Variants in FCHSD2 observed in about 807,000 individuals in gnomAD.
FCHSD2 encodes F-BAR and double SH3 domains protein 2.
A neutral mutation model predicts 108.1 loss-of-function variants in FCHSD2; 38 were observed. That is an observed-to-expected ratio of 0.35 (90% CI 0.27 to 0.46). FCHSD2 has a LOEUF of 0.46. FCHSD2 is among the 20% of genes least tolerant of loss of function. The pLI, the probability that FCHSD2 is intolerant of heterozygous loss-of-function variation, is 1.00. For synonymous variants in FCHSD2, 279 were observed against 314.7 expected, an observed-to-expected ratio of 0.89 and a Z score of 1.20; for missense variants, 751 against 897.8, an observed-to-expected ratio of 0.84 and a Z score of 2.09.
At chr11:72,965,208 T>C (rs1284009999) in intron 8 of FCHSD2, among the ~76,000 whole-genome samples, 1 of 152,240 alleles carries the variant, frequency 6.6e-6, no homozygotes, top group African/African-American at 2.4e-5. Flanking sequence ...CATCTCTTGC[T>C]ACACTCCAGC....
chr11:73,094,239 AAACAAATC>A (rs1488102912), intron 2 of FCHSD2, among the ~76,000 whole-genome samples: 3 of 152,162 alleles, frequency 2.0e-5, no homozygotes, highest in Non-Finnish European at 4.4e-5. Flanking sequence ...GAATAAAGAT[AAACAAATC>A]TACCAGAATG....
rs1040236507 is a variant in FCHSD2 at position 73,097,953 on chromosome 11, GCATAGCC to G, written c.120-14220_120-14214del. Among the ~76,000 whole-genome samples, 13 of 152,260 alleles carry G rather than the reference GCATAGCC, an allele frequency of 8.5e-5. No individual in the cohort carries two copies. The Middle Eastern group carries it at 0.01, about 120-fold the overall frequency. On this transcript the variant is annotated intron_variant, in intron 2 of 19. Transcript: ENST00000409418. ...CCTCCAACTGGCTAGGACTAGACTT[GCATAGCC>G]CATGGTGCCCAGCTCTTCTTCTAAT... is the stretch of plus-strand genomic sequence containing the variant.
chr11:72,970,475 G>T (rs1856987768), intron 8 of FCHSD2, among the ~76,000 whole-genome samples: 1 of 152,156 alleles, frequency 6.6e-6, no homozygotes, highest in African/African-American at 2.4e-5. Flanking sequence ...AACCTGGTTG[G>T]TTTTAAAAAA....
chr11:72,969,323 G>T (rs1591444414), intron 8 of FCHSD2, among the ~76,000 whole-genome samples: 1 of 152,322 alleles, frequency 6.6e-6, no homozygotes, highest in East Asian at 1.9e-4. Context: ...TTGGCTTTAA[G>T]TTATTTATAT....
chr11:72,861,654 G>A (rs1025907596), intron 13 of FCHSD2, among the ~76,000 whole-genome samples: 11 of 152,184 alleles, frequency 7.2e-5, no homozygotes, highest in African/African-American at 2.7e-4. Flanking sequence ...GATAGGCCGG[G>A]CGCGCTGGCT....
intron 2 of FCHSD2, among the ~76,000 whole-genome samples, chr11:73,136,977 G>A (rs768073536): frequency 3.9e-5 from 6 of 152,120 alleles, no homozygotes; most frequent in Non-Finnish European, 8.8e-5. Flanking sequence ...GCAGTAAGCT[G>A]AGATTGCACC....
At chr11:72,861,236 T>C (rs1230702634) in intron 13 of FCHSD2, among the ~76,000 whole-genome samples, 2 of 152,074 alleles carry the variant, frequency 1.3e-5, no homozygotes, top group Non-Finnish European at 2.9e-5. Flanking sequence ...AATCAAAGGA[T>C]AAAGGAATAT....
chr11:73,056,695 A>G (rs1057104775), intron 3 of FCHSD2, among the ~76,000 whole-genome samples: 6 of 152,348 alleles, frequency 3.9e-5, no homozygotes, highest in East Asian at 3.9e-4. Flanking sequence ...TAACAGAACA[A>G]TAAGTCATAT....
intron 3 of FCHSD2, among the ~76,000 whole-genome samples, chr11:73,078,866 C>T (rs1328827353): frequency 6.6e-6 from 1 of 152,128 alleles, no homozygotes; most frequent in Non-Finnish European, 1.5e-5. Flanking sequence ...TAGAGGCATG[C>T]GTCACCTCGC....
intron 5 of FCHSD2, among the ~76,000 whole-genome samples, chr11:72,992,016 C>T (rs558311681): frequency 5.7e-4 from 87 of 152,246 alleles, no homozygotes; most frequent in Non-Finnish European, 7.8e-4. Flanking sequence ...AAAACCCCAT[C>T]GTCTCAGCCC....
intron 2 of FCHSD2, among the ~76,000 whole-genome samples, chr11:73,096,987 A>ATTTTTTTTTTTTT (rs60223064): frequency 0.043 from 1,170 of 27,040 alleles, 421 homozygotes; most frequent in Middle Eastern, 0.091. Context: ...TCATTGATGG[A>ATTTTTTTTTTTTT]TTTTTTTTTT....
At chr11:73,003,488 A>T (rs1591474393) in intron 4 of FCHSD2, among the ~76,000 whole-genome samples, 1 of 139,350 alleles carries the variant, frequency 7.2e-6, no homozygotes, top group African/African-American at 2.7e-5. Context: ...TCATAGAGTG[A>T]TTTTTTTTTT....
intron 14 of FCHSD2, among the ~76,000 whole-genome samples, chr11:72,847,652 C>CA (rs2135165766): frequency 6.8e-6 from 1 of 147,900 alleles, no homozygotes; most frequent in East Asian, 2.0e-4. Context: ...CTAATAGGGT[C>CA]AAAAGTTATG....
intron 3 of FCHSD2, among the ~76,000 whole-genome samples, chr11:73,029,969 A>G (rs1858320326): frequency 6.6e-6 from 1 of 152,192 alleles, no homozygotes; most frequent in African/African-American, 2.4e-5. Flanking sequence ...AGAAAGAGGG[A>G]GAATCTGATG....
At chr11:72,966,728 G>A (rs1856914003) in intron 8 of FCHSD2, among the ~76,000 whole-genome samples, 1 of 151,916 alleles carries the variant, frequency 6.6e-6, no homozygotes, top group Non-Finnish European at 1.5e-5. Context: ...GTACACTAAA[G>A]GTAGGAGGAA....
chr11:72,864,515 C>T (rs940366202), intron 13 of FCHSD2, among the ~76,000 whole-genome samples: 8 of 152,168 alleles, frequency 5.3e-5, no homozygotes, highest in Admixed American at 4.6e-4. Context: ...CACTGCACTC[C>T]AGCCTGGGCG....
chr11:73,069,560 C>T (rs1859384312), intron 3 of FCHSD2, among the ~76,000 whole-genome samples: 1 of 151,872 alleles, frequency 6.6e-6, no homozygotes, highest in African/African-American at 2.4e-5. Flanking sequence ...GTTAAATAGA[C>T]AATTGGTGAG....
At chr11:73,027,438 A>C (rs749633750) in intron 3 of FCHSD2, among the ~76,000 whole-genome samples, 2 of 152,192 alleles carry the variant, frequency 1.3e-5, no homozygotes, top group Non-Finnish European at 2.9e-5. Context: ...AGCATTCAAA[A>C]TGTAACCTGG....
chr11:73,007,754 CAT>C (rs1363279562), intron 4 of FCHSD2, among the ~76,000 whole-genome samples: 1 of 152,182 alleles, frequency 6.6e-6, no homozygotes, highest in African/African-American at 2.4e-5. Context: ...TATGCACACA[CAT>C]ACACACAAAT....
Sources: gnomAD v4.1 joint callset for allele counts (sites outside exome capture counted in the v4.1 genomes callset) on GRCh38, gnomAD v4.1.1 for gene constraint, MANE v1.5 for transcripts, NCBI Gene and HGNC (gene_info 2026-07-23, HGNC 2026-07-21) for gene names.